Variants in CHLSN observed in about 807,000 individuals in gnomAD.
The protein encoded by CHLSN is protein cholesin.
the CHLSN span, among the ~76,000 whole-genome samples, chr7:1,053,976 C>G: frequency 6.6e-5 from 10 of 152,326 alleles, no homozygotes; most frequent in African/African-American, 2.2e-4. Context: ...AGAGAGGAGG[C>G]GGGTCAAGGA....
chr7:1,101,256 G>T, the CHLSN span, among the ~76,000 whole-genome samples: 2 of 152,272 alleles, frequency 1.3e-5, no homozygotes, highest in African/African-American at 4.8e-5. Flanking sequence ...ATGGAGCCTG[G>T]GAACAAGGGT....
the CHLSN span, among the ~76,000 whole-genome samples, chr7:1,017,532 T>C: frequency 4.0e-5 from 6 of 151,828 alleles, no homozygotes; most frequent in East Asian, 1.2e-3. Context: ...TTGGGGAGCA[T>C]CCCTGGATGG....
the CHLSN span, among the ~76,000 whole-genome samples, chr7:1,108,961 A>G: frequency 6.7e-6 from 1 of 149,992 alleles, no homozygotes; most frequent in African/African-American, 2.5e-5. Flanking sequence ...CAGTGCTGCA[A>G]ACTCGGCTCA....
chr7:1,041,286 C>T, the CHLSN span, among the ~76,000 whole-genome samples: 1 of 127,378 alleles, frequency 7.9e-6, no homozygotes, highest in Non-Finnish European at 1.8e-5. Flanking sequence ...CTGGGCTCCG[C>T]GCTGCGGGGA....
At chr7:1,055,064 C>T in the CHLSN span, among the ~76,000 whole-genome samples, 3 of 148,802 alleles carry the variant, frequency 2.0e-5, no homozygotes, top group African/African-American at 5.0e-5. Context: ...TGGGATGCCC[C>T]GCAGCGATGC....
chr7:978,521 A>C, the CHLSN span, among the ~76,000 whole-genome samples: 14 of 152,340 alleles, frequency 9.2e-5, no homozygotes, highest in Non-Finnish European at 1.6e-4. Flanking sequence ...CTTGTCTACA[A>C]GAAAAAAGGA....
the CHLSN span, chr7:1,127,301 G>A: frequency 1.9e-6 from 3 of 1,611,768 alleles, no homozygotes; most frequent in African/African-American, 4.0e-5. Context: ...TCAGGGCCCA[G>A]CAGTGGCCCC....
the CHLSN span, among the ~76,000 whole-genome samples, chr7:1,125,689 A>AG: frequency 6.6e-6 from 1 of 152,268 alleles, no homozygotes; most frequent in East Asian, 1.9e-4. Flanking sequence ...ACATGAGAAC[A>AG]GGAACAAAGC....
At chr7:1,093,680 G>A in the CHLSN span, 6 of 469,688 alleles carry the variant, frequency 1.3e-5, no homozygotes, top group East Asian at 7.0e-5. Flanking sequence ...TGTGGCTGAC[G>A]AATTTGTTTC....
the CHLSN span, among the ~76,000 whole-genome samples, chr7:1,073,348 C>T: frequency 4.6e-5 from 7 of 152,258 alleles, no homozygotes; most frequent in East Asian, 1.9e-4. Context: ...ACTCCCGTTT[C>T]GGAGACAAGT....
chr7:1,064,904 AAGCGAGC>A, the CHLSN span, among the ~76,000 whole-genome samples: 1 of 152,234 alleles, frequency 6.6e-6, no homozygotes, highest in African/African-American at 2.4e-5. Context: ...ACGCCGGGTC[AAGCGAGC>A]AGCATCCGAT....
chr7:1,050,658 G>A, the CHLSN span, among the ~76,000 whole-genome samples: 2 of 152,220 alleles, frequency 1.3e-5, no homozygotes, highest in Non-Finnish European at 2.9e-5. Context: ...CCGCAGCCTA[G>A]GAAGCATCTT....
At chr7:1,027,587 C>T in the CHLSN span, among the ~76,000 whole-genome samples, 2 of 152,284 alleles carry the variant, frequency 1.3e-5, no homozygotes, top group African/African-American at 2.4e-5. Flanking sequence ...CGGCCTGCTC[C>T]GCCGTCCTCA....
At chr7:999,715 G>A in the CHLSN span, among the ~76,000 whole-genome samples, 5 of 152,166 alleles carry the variant, frequency 3.3e-5, no homozygotes, top group African/African-American at 4.8e-5. Context: ...GGAGAAAACC[G>A]CCCCCTGCCC....
At chr7:1,042,176 C>T in the CHLSN span, among the ~76,000 whole-genome samples, 2 of 152,290 alleles carry the variant, frequency 1.3e-5, no homozygotes, top group Non-Finnish European at 2.9e-5. Context: ...CACACAACCA[C>T]AGAGGCACGG....
At chr7:1,068,035 C>G in the CHLSN span, among the ~76,000 whole-genome samples, 1 of 152,176 alleles carries the variant, frequency 6.6e-6, no homozygotes, top group Non-Finnish European at 1.5e-5. Context: ...CTGCAGCACA[C>G]GCTGCGGCCC....
At chr7:992,403 AG>A in the CHLSN span, among the ~76,000 whole-genome samples, 1 of 152,202 alleles carries the variant, frequency 6.6e-6, no homozygotes, top group Non-Finnish European at 1.5e-5. Context: ...CCCCACAGTA[AG>A]CTCGGAGGGT....
the CHLSN span, among the ~76,000 whole-genome samples, chr7:1,032,951 T>C: frequency 6.6e-6 from 1 of 152,200 alleles, no homozygotes; most frequent in Non-Finnish European, 1.5e-5. Flanking sequence ...CTGGGAAACC[T>C]GTGAGCCCCA....
the CHLSN span, chr7:1,127,364 C>G: frequency 6.2e-7 from 1 of 1,607,624 alleles, no homozygotes; most frequent in East Asian, 2.2e-5. Context: ...ACTTCAGGAA[C>G]TTTTCTCTTC....
Sources: allele counts gnomAD v4.1 joint callset (sites outside exome capture counted in the v4.1 genomes callset), GRCh38; gene constraint gnomAD v4.1.1; transcripts MANE v1.5; gene names NCBI Gene and HGNC (gene_info 2026-07-23, HGNC 2026-07-21).